Variants in CHMP7 observed in about 807,000 individuals in gnomAD.
CHMP7 encodes the protein CHMP family, member 7.
CHMP7 carries 15 observed loss-of-function variants against 53.7 expected under a neutral mutation model. The observed-to-expected ratio is 0.28, with a 90% CI of 0.19 to 0.43. CHMP7 has a LOEUF of 0.43. CHMP7 is among the 20% of genes least tolerant of loss of function. The pLI, the probability that CHMP7 is intolerant of heterozygous loss-of-function variation, is 1.00. For missense variants in CHMP7, 527 were observed against 569.4 expected, an observed-to-expected ratio of 0.93 and a Z score of 0.76; for synonymous variants, 261 against 228.0, an observed-to-expected ratio of 1.14 and a Z score of -1.30.
At position 23,246,452 on chromosome 8, in the gene CHMP7, A is replaced by G. The variant is rs1585301157; in HGVS notation, c.-244A>G. The G allele has an allele frequency of 3.7e-6, 2 of 544,856 alleles. No homozygotes were observed. Among genetic ancestry groups the G allele is most frequent in the East Asian group, 6.3e-5 (2 of 31,610 alleles). 33.8% of individuals were successfully genotyped at this position (544,856 alleles called of 1,614,324 possible). A position where few individuals can be genotyped will look rare whatever the true frequency, so the allele number is the denominator to read the frequency against. Reference sequence around the variant, plus strand: ...TTTCTTTCGGCACAAAGACCGTGGGAGGAGGGGTCGGCGCAAGCGCTCGGT... The same window carrying G: ...TTTCTTTCGGCACAAAGACCGTGGGGGGAGGGGTCGGCGCAAGCGCTCGGT... On this transcript the variant is annotated 5_prime_UTR_variant, in exon 2 of 11. Coordinates refer to ENST00000397677, the MANE Select transcript of CHMP7 (RefSeq NM_152272.5).
chr8:23,252,195 C>CTGTTTTTTTTTTTTTTTTTTT, intron 3 of CHMP7, among the ~76,000 whole-genome samples: 1 of 105,298 alleles, frequency 9.5e-6, no homozygotes, highest in Non-Finnish European at 2.0e-5. Context: ...ATTGTGTTAT[C>CTGTTTTTTTTTTTTTTTTTTT]TTTTTTTTTT....
chr8:23,248,308 C>T, intron 2 of CHMP7: 1 of 399,270 alleles, frequency 2.5e-6, no homozygotes, highest in Non-Finnish European at 5.2e-6. Context: ...AAAGTCTCTT[C>T]TCCTGACTGC....
chr8:23,255,838 T>A (rs1802103233), intron 4 of CHMP7, among the ~76,000 whole-genome samples: 2 of 150,204 alleles, frequency 1.3e-5, no homozygotes, highest in African/African-American at 4.9e-5. Context: ...CTGAGCTCAC[T>A]GCAGCCTCCG....
In CHMP7 at chr8:23,261,456, A is replaced by T. The variant is rs1464696500; in HGVS notation, c.*857A>T. ...ACATATCTATCTTCCAGAACAAGCC[A>T]CACAACAACACACCTCCCCTCCTTG... On this transcript the variant is annotated 3_prime_UTR_variant, in exon 11 of 11. Transcript: ENST00000397677. The T allele has an allele frequency of 6.5e-6, 1 of 152,712 alleles. No individual in the cohort carries two copies. Among genetic ancestry groups the T allele is most frequent in the Non-Finnish European group, 1.5e-5 (1 of 68,108 alleles). The allele number at this position is 152,712 out of a possible 1,614,324, so 9.5% of individuals were successfully genotyped here. A position where few individuals can be genotyped will look rare whatever the true frequency, so the allele number is the denominator to read the frequency against.
chr8:23,246,860 C>T lies in CHMP7; in HGVS notation c.165C>T (p.Phe55=), dbSNP rs373497725. 17 of 1,596,260 alleles carry T rather than the reference C, an allele frequency of 1.1e-5. No individual in the cohort carries two copies. The East Asian group carries it at 1.1e-4, about 11-fold the overall frequency. ...NSTDWDSKMG[F]WAPLVLSHSR... ...CCGACTGGGACAGCAAGATGGGCTT[C>T]TGGGCGCCGTTGGTGCTGAGCCACA... Residue 55 remains phenylalanine, a synonymous_variant, in exon 2 of 11, where the codon TTC becomes TTT. Transcript: ENST00000397677.
In CHMP7 at chr8:23,251,913, C is replaced by T. The variant is rs891325680; in HGVS notation, c.471+2532C>T. ...TTATGGAATTGATTTTTCGGAAATG[C>T]ATATGTGCCTTTTCAATTTTAACAA... On this transcript the variant is annotated intron_variant, in intron 3 of 10. Transcript: ENST00000397677. 3.3e-5 allele frequency among the ~76,000 whole-genome samples: 5 copies of T among 152,066 alleles called. No individual in the cohort carries two copies. The East Asian group carries it at 9.6e-4, about 29-fold the overall frequency.
At chr8:23,256,815 C>T (rs1169508112) in intron 5 of CHMP7, 88 of 196,404 alleles carry the variant, frequency 4.5e-4, no homozygotes, top group African/African-American at 2.4e-3. Flanking sequence ...TTTTTTGAGA[C>T]GGAGTCTCGC....
intron 5 of CHMP7, among the ~76,000 whole-genome samples, 178 bp from the exon 6 acceptor site, chr8:23,257,855 T>C (rs1295395439): frequency 1.3e-5 from 2 of 152,256 alleles, no homozygotes; most frequent in African/African-American, 4.8e-5. Flanking sequence ...CACAACAGAC[T>C]GTCAACAGAC....
chr8:23,252,195 C>CTTTTTTTTTTTTTTTTTTTTTTTTTTTT (rs373288680), intron 3 of CHMP7, among the ~76,000 whole-genome samples: 2 of 105,310 alleles, frequency 1.9e-5, no homozygotes, highest in Non-Finnish European at 4.1e-5. Context: ...ATTGTGTTAT[C>CTTTTTTTTTTTTTTTTTTTTTTTTTTTT]TTTTTTTTTT....
At chr8:23,256,660 A>C (rs1394750917) in intron 5 of CHMP7, 67 bp downstream of exon 5, 2 of 1,347,166 alleles carry the variant, frequency 1.5e-6, no homozygotes, top group Non-Finnish European at 2.0e-6. Context: ...GCAAAATGTT[A>C]GTATATGTGG....
At chr8:23,247,499 G>C (rs1399585270) in intron 2 of CHMP7, among the ~76,000 whole-genome samples, 1 of 152,208 alleles carries the variant, frequency 6.6e-6, no homozygotes. Flanking sequence ...GGAGCAGAGA[G>C]GACGTGAAGG....
intron 5 of CHMP7, 119 bp from the exon 6 acceptor site, chr8:23,257,914 A>G (rs1308114671): frequency 2.9e-6 from 2 of 697,810 alleles, no homozygotes; most frequent in Admixed American, 2.4e-5. Flanking sequence ...GCCACTGGGT[A>G]TTGGGTTTAG....
intron 3 of CHMP7, chr8:23,254,939 C>T: frequency 2.3e-6 from 1 of 429,718 alleles, no homozygotes; most frequent in Non-Finnish European, 4.4e-6. Flanking sequence ...ACCTCACCTC[C>T]TCAGTCTTCC....
Position 23,255,227 on chromosome 8 carries a change from C to G in CHMP7, c.472-20C>G. On this transcript the variant is annotated intron_variant, in intron 3 of 10. Coordinates refer to ENST00000397677, the MANE Select transcript of CHMP7 (RefSeq NM_152272.5). ...ATGGCAGTGGCCAGGGCCTGTCAGCCAATGTTGCCTTTCCCACAGGAAAAG... is the reference window on the plus strand; with the variant it reads ...ATGGCAGTGGCCAGGGCCTGTCAGCGAATGTTGCCTTTCCCACAGGAAAAG... 6.2e-7 allele frequency: 1 copy of G among 1,613,546 alleles called. No homozygotes were observed. The highest frequency in any genetic ancestry group is 8.5e-7 in the Non-Finnish European group (1 of 1,179,874).
chr8:23,256,691 T>TTG, intron 5 of CHMP7, 98 bp downstream of exon 5: 1 of 432,294 alleles, frequency 2.3e-6, no homozygotes, highest in South Asian at 4.0e-5. Context: ...AATAGGTGGG[T>TTG]TTTTTTTTTT....
intron 9 of CHMP7, chr8:23,259,810 T>G: frequency 4.5e-6 from 1 of 223,568 alleles, no homozygotes. Flanking sequence ...GGAATTGCCA[T>G]TTCCTCCTCG....
chr8:23,257,002 C>T (rs563108990), intron 5 of CHMP7, among the ~76,000 whole-genome samples: 2 of 151,748 alleles, frequency 1.3e-5, no homozygotes, highest in African/African-American at 4.8e-5. Context: ...CTGTGTTAGC[C>T]AGGATGGTCT....
intron 3 of CHMP7, among the ~76,000 whole-genome samples, chr8:23,254,397 T>C (rs967147782): frequency 2.6e-5 from 4 of 152,194 alleles, no homozygotes; most frequent in Non-Finnish European, 5.9e-5. Flanking sequence ...TTTTTTGTTT[T>C]GTTTTGTTCT....
At chr8:23,249,485 T>C (rs1335458429) in intron 3 of CHMP7, 104 bp downstream of exon 3, 1 of 885,152 alleles carries the variant, frequency 1.1e-6, no homozygotes, top group Non-Finnish European at 1.7e-6. Flanking sequence ...TTTTTTTACA[T>C]GGCTACTGAG....
Sources: gnomAD v4.1 joint callset for allele counts (sites outside exome capture counted in the v4.1 genomes callset) on GRCh38, gnomAD v4.1.1 for gene constraint, MANE v1.5 for transcripts, NCBI Gene and HGNC (gene_info 2026-07-23, HGNC 2026-07-21) for gene names.